CDC27: variants seen among roughly 807,000 people sequenced by gnomAD.
CDC27 encodes the protein cell division cycle protein 27 homolog.
In CDC27, 27 loss-of-function variants were observed where a neutral mutation model predicts 109.7. That is an observed-to-expected ratio of 0.25 (90% CI 0.18 to 0.34). The LOEUF (loss-of-function observed/expected upper bound fraction) is 0.34. Ranked by LOEUF, CDC27 falls within the 10% of genes least tolerant of loss-of-function variation. The pLI is 1.00. For missense variants in CDC27, 579 were observed against 960.2 expected (o/e 0.60, Z 5.25); for synonymous variants, 266 against 333.9 (o/e 0.80, Z 2.22).
At chr17:47,172,731 T>C (rs980511498) in intron 2 of CDC27, among the ~76,000 whole-genome samples, 2 of 152,210 alleles carry the variant, frequency 1.3e-5, no homozygotes, top group Admixed American at 6.5e-5. Context: ...GCCTTCTTAA[T>C]GCAAGTGGCA....
In CDC27 at chr17:47,120,872, G is replaced by C. The variant is rs889537573; in HGVS notation, c.*63C>G. The stretch of plus-strand genomic sequence containing the variant: ...CTCAAGAGTAAAGACTCAGTATACA[G>C]AGGGACAAGAAACACGTCAGCACTA... On this transcript the variant is annotated 3_prime_UTR_variant, in exon 19 of 19. Coordinates refer to ENST00000066544, the MANE Select transcript of CDC27 (RefSeq NM_001256.6). The C allele has an allele frequency of 5.2e-5, 61 of 1,184,392 alleles. No individual in the cohort carries two copies. The East Asian group carries it at 9.3e-4, about 18-fold the overall frequency. 73.4% of individuals were successfully genotyped at this position (1,184,392 alleles called of 1,614,324 possible). A position where few individuals can be genotyped will look rare whatever the true frequency, so the allele number is the denominator to read the frequency against.
At chr17:47,177,918 AT>A (rs35001684) in intron 2 of CDC27, among the ~76,000 whole-genome samples, 5 of 151,990 alleles carry the variant, frequency 3.3e-5, no homozygotes, top group Admixed American at 2.0e-4. Flanking sequence ...GCATTAATGT[AT>A]TTTTTTCCTC....
At chr17:47,148,865 G>C (rs1289462390) in intron 9 of CDC27, among the ~76,000 whole-genome samples, 1 of 151,998 alleles carries the variant, frequency 6.6e-6, no homozygotes, top group African/African-American at 2.4e-5. Context: ...GATCACCTGA[G>C]GTCAGGAATT....
chr17:47,149,236 T>C (rs1332088708), intron 9 of CDC27, among the ~76,000 whole-genome samples: 1 of 149,392 alleles, frequency 6.7e-6, no homozygotes. Flanking sequence ...AAAGGCCAGG[T>C]GCGGTGGGGC....
chr17:47,181,331 G>T (rs2149002504), intron 2 of CDC27: 12 of 123,124 alleles, frequency 9.7e-5, no homozygotes, highest in Non-Finnish European at 1.6e-4. Context: ...CCTAAAGATT[G>T]AAAAATGATT....
chr17:47,125,477 C>T (rs966370490), intron 16 of CDC27, among the ~76,000 whole-genome samples: 1 of 151,210 alleles, frequency 6.6e-6, no homozygotes, highest in Non-Finnish European at 1.5e-5. Context: ...AACTTCTGAC[C>T]TCAAGTGATC....
intron 9 of CDC27, 131 bp downstream of exon 9, chr17:47,151,674 TC>T (rs2063155447): frequency 1.5e-6 from 1 of 651,036 alleles, no homozygotes; most frequent in Non-Finnish European, 2.4e-6. Flanking sequence ...GTTAGAGGTT[TC>T]AAATTTTACA....
At position 47,118,481 on chromosome 17, in the gene CDC27, C is replaced by T. The variant is rs981122837; in HGVS notation, c.*2454G>A. The T allele has an allele frequency of 2.0e-5, 3 of 152,482 alleles. No homozygotes were observed. Among genetic ancestry groups the T allele is most frequent in the Non-Finnish European group, 4.4e-5 (3 of 68,030 alleles). 9.4% of individuals were successfully genotyped at this position (152,482 alleles called of 1,614,324 possible). A position where few individuals can be genotyped will look rare whatever the true frequency, so the allele number is the denominator to read the frequency against. On this transcript the variant is annotated 3_prime_UTR_variant, in exon 19 of 19. Coordinates refer to ENST00000066544, the MANE Select transcript of CDC27 (RefSeq NM_001256.6). Reference sequence around the variant, plus strand: ...AACATAACTTCTGAACAAGTGTGTGCGCGTATATATATATGTATATAGATG... The same window carrying T: ...AACATAACTTCTGAACAAGTGTGTGTGCGTATATATATATGTATATAGATG...
chr17:47,149,509 T>TAAA (rs34375130), intron 9 of CDC27, among the ~76,000 whole-genome samples: 3 of 112,148 alleles, frequency 2.7e-5, no homozygotes, highest in African/African-American at 1.0e-4. Context: ...GACTCTGTCT[T>TAAA]AAAAAAAAAA....
chr17:47,151,653 T>C (rs2063154293), intron 9 of CDC27, among the ~76,000 whole-genome samples, 153 bp downstream of exon 9: 1 of 152,222 alleles, frequency 6.6e-6, no homozygotes, highest in African/African-American at 2.4e-5. Flanking sequence ...AAAATTACAT[T>C]AGTGTTGTAA....
At chr17:47,142,067 A>G (rs1475084758) in intron 11 of CDC27, 42 bp from the exon 12 acceptor site, 5 of 1,417,570 alleles carry the variant, frequency 3.5e-6, no homozygotes, top group South Asian at 2.8e-5. Flanking sequence ...AAAACGCAAT[A>G]AACTAGTCTG....
At chr17:47,132,988 CATATATATAT>C (rs1158266100) in intron 14 of CDC27, among the ~76,000 whole-genome samples, 1,292 of 40,862 alleles carry the variant, frequency 0.032, 51 homozygotes, top group East Asian at 0.16. Context: ...TGCCCAGGCG[CATATATATAT>C]ATATATATAT....
intron 17 of CDC27, among the ~76,000 whole-genome samples, chr17:47,123,113 A>G (rs2062024839): frequency 6.6e-6 from 1 of 152,164 alleles, no homozygotes; most frequent in African/African-American, 2.4e-5. Flanking sequence ...TATTTTCAGA[A>G]TTCCTTGCTT....
chr17:47,187,625 AATTATTATTAAATGGTGG>A (rs2064494358), intron 1 of CDC27, among the ~76,000 whole-genome samples: 1 of 151,998 alleles, frequency 6.6e-6, no homozygotes, highest in African/African-American at 2.4e-5. Flanking sequence ...TAAAGTCTGA[AATTATTATTAAATGGTGG>A]TTATAGTCTA....
At position 47,189,188 on chromosome 17, in the gene CDC27, C is replaced by T. The variant is rs910686231; in HGVS notation, c.-16G>A. 1.2e-6 allele frequency: 2 copies of T among 1,608,886 alleles called. No individual in the cohort carries two copies. The highest frequency in any genetic ancestry group is 1.3e-5 in the African/African-American group (1 of 74,854). On this transcript the variant is annotated 5_prime_UTR_variant, in exon 1 of 19. An upstream open reading frame in the 5' UTR gains an earlier in-frame stop. Transcript: ENST00000066544. Reference sequence around the variant, plus strand: ...GCACCGTCATCCTCGAGGCTCAGGCCCACTTTCTGCAGTGCCTCAGGCCCC... The same window carrying T: ...GCACCGTCATCCTCGAGGCTCAGGCTCACTTTCTGCAGTGCCTCAGGCCCC...
At position 47,169,972 on chromosome 17, in the gene CDC27, T is replaced by C. The variant is rs112488600; in HGVS notation, c.322A>G (p.Thr108Ala). The C allele has an allele frequency of 6.3e-7, 1 of 1,598,990 alleles. No homozygotes were observed. The highest frequency in any genetic ancestry group is 1.1e-5 in the South Asian group (1 of 88,668). ...AAGCAAGCTGAATCACCAAACTCAG[T>C]AACAATATCATCATGGCTTTTCTGC... Reference protein sequence around the residue: ...NKQKSHDDIVTEFGDSACFTL... With the variant: ...NKQKSHDDIVAEFGDSACFTL... The change falls in exon 4 of 19, where the codon ACT becomes GCT. Residue 108 changes from threonine to alanine, a missense_variant. By Grantham distance (58) the Thr-to-Ala change is moderately conservative (BLOSUM62 0). This residue lies in a region of CDC27 where 52 missense variants were observed against 63.4 expected (regional missense o/e 0.82). Transcript: ENST00000066544.
chr17:47,120,076 CCTT>C lies in CDC27; in HGVS notation c.*856_*858del, dbSNP rs2061950016. The C allele has an allele frequency of 6.6e-6, 1 of 152,140 alleles. No individual in the cohort carries two copies. Among genetic ancestry groups the C allele is most frequent in the Non-Finnish European group, 1.5e-5 (1 of 68,034 alleles). 9.4% of individuals were successfully genotyped at this position (152,140 alleles called of 1,614,324 possible). On this transcript the variant is annotated 3_prime_UTR_variant, in exon 19 of 19. Coordinates refer to ENST00000066544, the MANE Select transcript of CDC27 (RefSeq NM_001256.6). The stretch of plus-strand genomic sequence containing the variant: ...AAAAGTCTCTCCACTTTAGTGTTCT[CCTT>C]CTGATTCATATGGTGAACTTAAGGG...
At chr17:47,123,260 C>T (rs886988541) in intron 17 of CDC27, among the ~76,000 whole-genome samples, 2 of 152,154 alleles carry the variant, frequency 1.3e-5, no homozygotes, top group Admixed American at 6.6e-5. Context: ...CTCTTTACAA[C>T]TGTCCACAGT....
intron 9 of CDC27, among the ~76,000 whole-genome samples, chr17:47,147,726 T>C (rs958230479): frequency 6.6e-6 from 1 of 151,348 alleles, no homozygotes; most frequent in Admixed American, 6.6e-5. Flanking sequence ...TCCTTGTCTC[T>C]ACAAAAAAAT....
Sources: allele counts gnomAD v4.1 joint callset (sites outside exome capture counted in the v4.1 genomes callset), GRCh38; gene constraint gnomAD v4.1.1; regional missense constraint gnomAD v4.1.1; transcripts MANE v1.5; gene names NCBI Gene and HGNC (gene_info 2026-07-23, HGNC 2026-07-21).